The following NTM variants were observed in gnomAD, a reference collection of about 807,000 sequenced individuals.
NTM encodes IgLON family member 2.
NTM carries 13 observed loss-of-function variants against 42.1 expected under a neutral mutation model. The ratio of observed to expected loss-of-function variants is 0.31; its 90% CI spans 0.20 to 0.49. The LOEUF (loss-of-function observed/expected upper bound fraction) is 0.49. Ranked by LOEUF, NTM falls within the 20% of genes least tolerant of loss-of-function variation. NTM has a pLI of 0.99. For synonymous variants in NTM, 187 were observed against 179.2 expected (o/e 1.04, Z -0.35); for missense variants, 373 against 452.8 (o/e 0.82, Z 1.60).
intron 2 of NTM, among the ~76,000 whole-genome samples, chr11:132,008,883 T>C (rs1326612620): frequency 6.6e-6 from 1 of 151,764 alleles, no homozygotes; most frequent in Non-Finnish European, 1.5e-5. Flanking sequence ...TTTTTTCCTG[T>C]TGTCAGAGCC....
intron 1 of NTM, among the ~76,000 whole-genome samples, chr11:131,462,444 A>G (rs1277462591): frequency 1.3e-5 from 2 of 152,248 alleles, no homozygotes; most frequent in Admixed American, 1.3e-4. Flanking sequence ...TAAAAATACA[A>G]AAATGACAAA....
At chr11:132,038,409 A>G (rs2076768779) in intron 2 of NTM, among the ~76,000 whole-genome samples, 1 of 152,108 alleles carries the variant, frequency 6.6e-6, no homozygotes, top group Admixed American at 6.5e-5. Context: ...TCGGCTTGCA[A>G]TTGTTAGTGC....
chr11:132,048,300 C>T (rs1242861979), intron 2 of NTM, among the ~76,000 whole-genome samples: 1 of 152,154 alleles, frequency 6.6e-6, no homozygotes, highest in Admixed American at 6.5e-5. Context: ...GCCCAAGAGC[C>T]TCCTGCAAAG....
At chr11:131,959,715 G>A (rs1170137990) in intron 2 of NTM, among the ~76,000 whole-genome samples, 2 of 152,198 alleles carry the variant, frequency 1.3e-5, no homozygotes, top group African/African-American at 4.8e-5. Flanking sequence ...AAGGTTGGTA[G>A]CAAATCCATT....
intron 1 of NTM, among the ~76,000 whole-genome samples, chr11:131,591,414 T>A (rs1416621523): frequency 2.0e-5 from 3 of 152,174 alleles, no homozygotes; most frequent in Non-Finnish European, 2.9e-5. Context: ...TGACAGTCCA[T>A]GGAGCTGAGC....
chr11:131,577,093 T>C (rs1468568780), intron 1 of NTM, among the ~76,000 whole-genome samples: 2 of 152,236 alleles, frequency 1.3e-5, no homozygotes, highest in Non-Finnish European at 2.9e-5. Context: ...GATTACTGGC[T>C]GTGTGATCAC....
intron 1 of NTM, among the ~76,000 whole-genome samples, chr11:131,816,381 G>A (rs1261388325): frequency 2.0e-5 from 3 of 152,094 alleles, no homozygotes; most frequent in African/African-American, 7.2e-5. Context: ...TACCATCGTA[G>A]TTTTTTAAAA....
At chr11:131,552,320 C>T (rs538305914) in intron 1 of NTM, among the ~76,000 whole-genome samples, 6 of 152,188 alleles carry the variant, frequency 3.9e-5, no homozygotes, top group Non-Finnish European at 7.4e-5. Context: ...AAACAGTTTG[C>T]CTTTATCTAC....
In NTM at chr11:132,235,581, C is replaced by T. The variant is rs922562765; in HGVS notation, c.526+23434C>T. On this transcript the variant is annotated intron_variant, in intron 4 of 8. Coordinates refer to ENST00000683400, the MANE Select transcript of NTM (RefSeq NM_001352005.2). ...TCTTCCTCTCCCTATGTAGCACTAA[C>T]TCATTTGCCCTGCAAAAGTCCCTTG... Among the ~76,000 whole-genome samples the T allele has an allele frequency of 2.8e-4, 42 of 152,146 alleles. 1 individual carries two copies. The highest frequency in any genetic ancestry group is 1.3e-4 in the Admixed American group (2 of 15,268).
intron 6 of NTM, 95 bp from the exon 7 acceptor site, chr11:132,314,457 G>C: frequency 7.4e-7 from 1 of 1,351,114 alleles, no homozygotes; most frequent in Non-Finnish European, 1.0e-6. Flanking sequence ...AGAAAGGGGG[G>C]CAAGGAGAAG....
intron 3 of NTM, among the ~76,000 whole-genome samples, chr11:132,165,306 C>G (rs572887142): frequency 6.6e-6 from 1 of 152,222 alleles, no homozygotes; most frequent in East Asian, 1.9e-4. Flanking sequence ...GACTAGAGAT[C>G]GTCCTTGATT....
chr11:132,083,343 CTT>C (rs1201595686), intron 2 of NTM, among the ~76,000 whole-genome samples: 1 of 152,136 alleles, frequency 6.6e-6, no homozygotes, highest in Non-Finnish European at 1.5e-5. Flanking sequence ...GCAAAATAAA[CTT>C]TAGTTTTATA....
At chr11:131,516,983 T>C (rs555164915) in intron 1 of NTM, among the ~76,000 whole-genome samples, 4 of 152,272 alleles carry the variant, frequency 2.6e-5, no homozygotes, top group South Asian at 2.1e-4. Flanking sequence ...TCTCTACTGA[T>C]AAAATAAGAT....
At chr11:131,757,871 G>A (rs1480294389) in intron 1 of NTM, among the ~76,000 whole-genome samples, 1 of 152,154 alleles carries the variant, frequency 6.6e-6, no homozygotes, top group Non-Finnish European at 1.5e-5. Context: ...ACATTAGAAT[G>A]CAAAGAACGT....
intron 3 of NTM, among the ~76,000 whole-genome samples, chr11:132,191,637 A>G (rs1326254937): frequency 6.6e-6 from 1 of 152,210 alleles, no homozygotes; most frequent in Non-Finnish European, 1.5e-5. Flanking sequence ...TTACCTCCAA[A>G]TGATCACACT....
rs536637714 is a variant in NTM, at chr11:131,465,001, C to T, written c.82+94113C>T. Among the ~76,000 whole-genome samples the T allele has an allele frequency of 7.9e-5, 12 of 152,320 alleles. 1 individual carries two copies. Among genetic ancestry groups the T allele is most frequent in the African/African-American group, 2.6e-4 (11 of 41,580 alleles). The stretch of plus-strand genomic sequence containing the variant: ...GAAAAATCACACATGTAAACACACA[C>T]GTTTTACACGTATACACATGTATAC... On this transcript the variant is annotated intron_variant, in intron 1 of 8. Transcript: ENST00000683400.
At chr11:132,246,876 C>T (rs3133874) in intron 4 of NTM, among the ~76,000 whole-genome samples, 54,757 of 152,090 alleles carry the variant, frequency 0.36, 10,370 homozygotes, top group Middle Eastern at 0.5. Context: ...GGCAAGAGCC[C>T]GGCCACCCTC....
chr11:131,992,257 T>G (rs956253462), intron 2 of NTM, among the ~76,000 whole-genome samples: 2 of 152,204 alleles, frequency 1.3e-5, no homozygotes, highest in Non-Finnish European at 2.9e-5. Flanking sequence ...TTCTTAACAT[T>G]TTCTCGTTTA....
intron 1 of NTM, among the ~76,000 whole-genome samples, chr11:131,399,156 A>G (rs1944861101): frequency 6.6e-6 from 1 of 152,154 alleles, no homozygotes. Flanking sequence ...CCCCAAACTC[A>G]GGTCCATTGT....
Sources: allele counts gnomAD v4.1 joint callset (sites outside exome capture counted in the v4.1 genomes callset), GRCh38; gene constraint gnomAD v4.1.1; transcripts MANE v1.5; gene names NCBI Gene and HGNC (gene_info 2026-07-23, HGNC 2026-07-21).